FRMD3: variants seen among roughly 807,000 people sequenced by gnomAD.
FRMD3 encodes the protein FERM domain containing 3.
FRMD3 carries 33 observed loss-of-function variants against 70.2 expected under a neutral mutation model. That is an observed-to-expected ratio of 0.47 (90% CI 0.36 to 0.63). The LOEUF (loss-of-function observed/expected upper bound fraction) is 0.63, where lower values mean the gene tolerates loss of function less well. Ranked by LOEUF, FRMD3 falls within the 20% of genes least tolerant of loss-of-function variation. FRMD3 has a pLI of 0.00. For missense variants in FRMD3, 632 were observed against 711.4 expected (o/e 0.89, Z 1.27); for synonymous variants, 279 against 255.9 (o/e 1.09, Z -0.86).
intron 13 of FRMD3, chr9:83,279,217 C>T (rs1473630031): frequency 6.6e-6 from 1 of 152,100 alleles, no homozygotes; most frequent in Non-Finnish European, 1.5e-5. Context: ...TGAAAGTTCC[C>T]AATTGGATGC....
chr9:83,358,488 C>T (rs915194885), intron 3 of FRMD3, among the ~76,000 whole-genome samples: 23 of 151,940 alleles, frequency 1.5e-4, no homozygotes, highest in African/African-American at 5.3e-4. Flanking sequence ...GGTATTTTGA[C>T]GGGAATTACA....
intron 1 of FRMD3, among the ~76,000 whole-genome samples, chr9:83,452,538 G>C (rs1360671178): frequency 1.3e-5 from 2 of 152,040 alleles, no homozygotes. Flanking sequence ...CTGGAGTGCA[G>C]TGGTGCGATC....
intron 1 of FRMD3, among the ~76,000 whole-genome samples, chr9:83,513,571 T>C (rs1829386874): frequency 6.6e-6 from 1 of 152,246 alleles, no homozygotes; most frequent in Admixed American, 6.5e-5. Flanking sequence ...ATATGTCCTT[T>C]ATTTCTTCAT....
intron 2 of FRMD3, 114 bp from the exon 3 acceptor site, chr9:83,373,069 C>T (rs1564043236): frequency 1.2e-6 from 1 of 820,482 alleles, no homozygotes; most frequent in East Asian, 2.5e-5. Context: ...CATAGATACT[C>T]TCCAGAATTC....
In FRMD3 at chr9:83,521,607, C is replaced by A. The variant is rs967092473; in HGVS notation, c.147+16478G>T. ...CCAACGAATCTTGCCCAAGTGTGAG[C>A]CAAGCTAGTCACAAACCATGACTCA... On this transcript the variant is annotated intron_variant, in intron 1 of 13. Transcript: ENST00000304195. Among the ~76,000 whole-genome samples the A allele has an allele frequency of 3.9e-5, 6 of 152,174 alleles. No individual in the cohort carries two copies. The East Asian group carries it at 9.6e-4, about 24-fold the overall frequency.
At chr9:83,541,895 T>A (rs1239259763), upstream of FRMD3, among the ~76,000 whole-genome samples, 1 of 152,202 alleles carries the variant, frequency 6.6e-6, no homozygotes, top group Non-Finnish European at 1.5e-5. Context: ...TATTCCCAAA[T>A]CTGAACCTGT....
At chr9:83,543,656 G>T in the FRMD3 span, among the ~76,000 whole-genome samples, 2 of 152,198 alleles carry the variant, frequency 1.3e-5, no homozygotes, top group African/African-American at 4.8e-5. Flanking sequence ...AGAGCTGAGG[G>T]TCTGACCCTC....
At chr9:83,332,405 C>A (rs1483743084) in intron 6 of FRMD3, among the ~76,000 whole-genome samples, 1 of 151,874 alleles carries the variant, frequency 6.6e-6, no homozygotes, top group Non-Finnish European at 1.5e-5. Flanking sequence ...TCTCCCCCCA[C>A]CATCCCCCAA....
intron 6 of FRMD3, among the ~76,000 whole-genome samples, chr9:83,325,201 C>A (rs1835963249): frequency 6.6e-6 from 1 of 152,146 alleles, no homozygotes; most frequent in African/African-American, 2.4e-5. Flanking sequence ...GAAATTACTT[C>A]ATGGGTACAA....
chr9:83,344,812 C>CGTGCAT (rs1171141097), intron 4 of FRMD3, among the ~76,000 whole-genome samples: 9 of 112,694 alleles, frequency 8.0e-5, no homozygotes, highest in Admixed American at 7.9e-4. Flanking sequence ...TGTGTGCATG[C>CGTGCAT]GTGCATGTGT....
At chr9:83,502,032 A>C (rs1169195378) in intron 1 of FRMD3, among the ~76,000 whole-genome samples, 4 of 152,176 alleles carry the variant, frequency 2.6e-5, no homozygotes, top group African/African-American at 9.7e-5. Context: ...TTATTTATCT[A>C]GTTATGTGTC....
chr9:83,349,638 G>T, intron 4 of FRMD3, 41 bp downstream of exon 4: 1 of 1,423,626 alleles, frequency 7.0e-7, no homozygotes, highest in Non-Finnish European at 9.8e-7. Flanking sequence ...ATTCTGGCTG[G>T]TTAAAGGTGC....
At chr9:83,485,651 A>G (rs184472950) in intron 1 of FRMD3, among the ~76,000 whole-genome samples, 1 of 152,310 alleles carries the variant, frequency 6.6e-6, no homozygotes, top group East Asian at 1.9e-4. Context: ...GTTTGTTTCC[A>G]GGATTCCCAT....
chr9:83,290,881 A>G (rs1216251602), intron 12 of FRMD3, among the ~76,000 whole-genome samples, 154 bp from the exon 13 acceptor site: 2 of 152,226 alleles, frequency 1.3e-5, no homozygotes, highest in Non-Finnish European at 2.9e-5. Flanking sequence ...GTAACATTCA[A>G]GATAAATGGC....
chr9:83,315,251 C>CA (rs973053424), intron 6 of FRMD3, among the ~76,000 whole-genome samples: 6 of 152,084 alleles, frequency 3.9e-5, no homozygotes, highest in Admixed American at 1.3e-4. Flanking sequence ...TATGCTGACT[C>CA]AGAGTCTGTA....
intron 1 of FRMD3, among the ~76,000 whole-genome samples, chr9:83,461,505 C>T (rs951149827): frequency 6.6e-6 from 1 of 151,980 alleles, no homozygotes; most frequent in East Asian, 1.9e-4. Context: ...TCAGGGAAGG[C>T]TTCCCAGGGA....
intron 1 of FRMD3, among the ~76,000 whole-genome samples, chr9:83,429,068 T>C (rs1453088128): frequency 6.6e-6 from 1 of 152,202 alleles, no homozygotes; most frequent in Non-Finnish European, 1.5e-5. Context: ...GAATGTAGGC[T>C]AAATTTATTT....
rs1358563110 is a variant in FRMD3 at position 83,511,941 on chromosome 9, C to T, written c.147+26144G>A. Among the ~76,000 whole-genome samples, 5 of 152,120 alleles carry T rather than the reference C, an allele frequency of 3.3e-5. No individual in the cohort carries two copies. The South Asian group carries it at 1.0e-3, about 32-fold the overall frequency. Reference sequence around the variant, plus strand: ...GCAGGGCCCCTTTCTGAAGTGACGGCTTAGATTGACATCTCTAGAAATTAC... The same window carrying T: ...GCAGGGCCCCTTTCTGAAGTGACGGTTTAGATTGACATCTCTAGAAATTAC... On this transcript the variant is annotated intron_variant, in intron 1 of 13. Coordinates refer to ENST00000304195, the MANE Select transcript of FRMD3 (RefSeq NM_174938.6).
At chr9:83,483,637 T>C (rs955513031) in intron 1 of FRMD3, among the ~76,000 whole-genome samples, 11 of 152,266 alleles carry the variant, frequency 7.2e-5, no homozygotes, top group Middle Eastern at 3.4e-3. Context: ...ATGGGAGTTA[T>C]CGCTTGAGAC....
Sources: gnomAD v4.1 joint callset for allele counts (sites outside exome capture counted in the v4.1 genomes callset) on GRCh38, gnomAD v4.1.1 for gene constraint, MANE v1.5 for transcripts, NCBI Gene and HGNC (gene_info 2026-07-23, HGNC 2026-07-21) for gene names.